KCNG4: variants seen among roughly 807,000 people sequenced by gnomAD.
KCNG4 encodes the protein voltage-gated potassium channel regulatory subunit KCNG4.
KCNG4 carries 30 observed loss-of-function variants against 28.2 expected under a neutral mutation model. That is an observed-to-expected ratio of 1.06 (90% confidence interval 0.80 to 1.44). The LOEUF is 1.44. Ranked by LOEUF, KCNG4 falls within the 40% of genes most tolerant of loss-of-function variation. The pLI, the probability that KCNG4 is intolerant of heterozygous loss-of-function variation, is 0.00. For missense variants in KCNG4, 879 were observed against 712.3 expected, an observed-to-expected ratio of 1.23 and a Z score of -2.66; for synonymous variants, 375 against 315.5, an observed-to-expected ratio of 1.19 and a Z score of -2.00.
In KCNG4 at chr16:84,222,493, A is replaced by T; in HGVS notation, c.1284T>A (p.Ser428Arg). 6.2e-7 allele frequency: 1 copy of T among 1,613,410 alleles called. No homozygotes were observed. Among genetic ancestry groups the T allele is most frequent in the Non-Finnish European group, 8.5e-7 (1 of 1,179,698 alleles). The change falls in exon 3 of 3, where the codon AGT (serine) becomes AGA (arginine). Residue 428 changes from serine (S) to arginine (R), a missense_variant. Physicochemically the swap from Ser to Arg is moderately radical, Grantham distance 110. Coordinates refer to ENST00000308251, the MANE Select transcript of KCNG4 (RefSeq NM_172347.3). Reference protein sequence around the residue: ...TVGYGDMVPRSVPGQMVALSS... With the variant: ...TVGYGDMVPRRVPGQMVALSS... ...TGAGGGCCACCATCTGGCCTGGCAC[A>T]CTGCGGGGCACCATGTCCCCGTAGC...
intron 2 of KCNG4, among the ~76,000 whole-genome samples, chr16:84,233,327 C>A (rs1040391084): frequency 3.9e-5 from 6 of 152,292 alleles, no homozygotes; most frequent in African/African-American, 1.2e-4. Context: ...GGCCTGAGAG[C>A]TGTTTTACAA....
rs1051929786 is a variant in KCNG4, at chr16:84,222,177, G to A, written c.*40C>T. 4 of 1,595,776 alleles carry A rather than the reference G, an allele frequency of 2.5e-6. No homozygotes were observed. In the African/African-American group the frequency reaches 5.4e-5, roughly 21 times the overall value. ...CCCTTGAGTGTGTTTCAGGCAGGGT[G>A]ATGGGTTGAGGTTACCATGTAGTCA... On this transcript the variant is annotated 3_prime_UTR_variant, in exon 3 of 3. Coordinates refer to ENST00000308251, the MANE Select transcript of KCNG4 (RefSeq NM_172347.3).
intron 2 of KCNG4, among the ~76,000 whole-genome samples, chr16:84,231,609 C>T (rs1242412561): frequency 1.3e-5 from 2 of 152,124 alleles, no homozygotes; most frequent in African/African-American, 2.4e-5. Flanking sequence ...CACTAGGGAC[C>T]AGTCAGCCTG....
At chr16:84,231,461 C>T (rs938853338) in intron 2 of KCNG4, among the ~76,000 whole-genome samples, 1 of 152,114 alleles carries the variant, frequency 6.6e-6, no homozygotes, top group Non-Finnish European at 1.5e-5. Flanking sequence ...AGCTGCCCGG[C>T]CAGGGCTGAG....
At chr16:84,223,680 G>A (rs770562571) in intron 2 of KCNG4, among the ~76,000 whole-genome samples, 14 of 152,110 alleles carry the variant, frequency 9.2e-5, no homozygotes, top group South Asian at 4.2e-4. Flanking sequence ...GAAGTGACTC[G>A]CCTGAGCTCA....
intron 2 of KCNG4, among the ~76,000 whole-genome samples, chr16:84,224,403 T>TACACACACACACACACATAC (rs568895266): frequency 2.4e-4 from 14 of 58,668 alleles, no homozygotes; most frequent in South Asian, 1.5e-3. Flanking sequence ...TATACATATT[T>TACACACACACACACACATAC]ACACACACAC....
intron 2 of KCNG4, among the ~76,000 whole-genome samples, chr16:84,228,597 G>C (rs867504200): frequency 6.6e-6 from 1 of 151,542 alleles, no homozygotes; most frequent in East Asian, 1.9e-4. Flanking sequence ...TCCTCCCCAG[G>C]TCTCCCCGCC....
chr16:84,223,094 C>T, intron 2 of KCNG4, 74 bp from the exon 3 acceptor site: 1 of 1,190,190 alleles, frequency 8.4e-7, no homozygotes, highest in Non-Finnish European at 1.2e-6. Flanking sequence ...GGGACGACTT[C>T]ATGCCCATGA....
intron 1 of KCNG4, among the ~76,000 whole-genome samples, chr16:84,239,279 G>A (rs1188344841): frequency 1.3e-5 from 2 of 152,238 alleles, no homozygotes; most frequent in Non-Finnish European, 2.9e-5. Flanking sequence ...ATGGCCAGAG[G>A]AGGATGAGGA....
Position 84,222,677 on chromosome 16 carries a change from C to A in KCNG4, c.1100G>T (p.Cys367Phe), listed in dbSNP as rs149108595. 1 of 1,613,128 alleles carries A rather than the reference C, an allele frequency of 6.2e-7. No homozygotes were observed. The highest frequency in any genetic ancestry group is 1.7e-5 in the Admixed American group (1 of 59,978). Residue 367 changes from cysteine to phenylalanine, a missense_variant, in exon 3 of 3, where the codon TGC (cysteine) becomes TTC (phenylalanine). Coordinates refer to ENST00000308251, the MANE Select transcript of KCNG4 (RefSeq NM_172347.3). ...AAGGAGCAGGCCGAACTCACGTGTG[C>A]AACGGCGCACGGTGAGCCCCAGCGT... ...LQTLGLTVRR[C>F]TREFGLLLLF...
intron 1 of KCNG4, among the ~76,000 whole-genome samples, 158 bp downstream of exon 1, chr16:84,239,512 G>A (rs74632463): frequency 2.0e-5 from 3 of 152,088 alleles, no homozygotes; most frequent in African/African-American, 7.2e-5. Flanking sequence ...TGCCATCTAC[G>A]GCTCTCCAAA....
chr16:84,228,375 G>A (rs905166974), intron 2 of KCNG4, among the ~76,000 whole-genome samples: 8 of 151,914 alleles, frequency 5.3e-5, no homozygotes, highest in African/African-American at 1.7e-4. Flanking sequence ...CCCTCCTGCT[G>A]TGAGTTCACC....
intron 2 of KCNG4, among the ~76,000 whole-genome samples, chr16:84,231,667 C>G (rs1441206907): frequency 6.6e-6 from 1 of 152,076 alleles, no homozygotes; most frequent in Non-Finnish European, 1.5e-5. Context: ...AGGTTGAGGT[C>G]CAGGGGTAGA....
intron 2 of KCNG4, among the ~76,000 whole-genome samples, chr16:84,229,052 A>C (rs966975388): frequency 6.6e-6 from 1 of 151,978 alleles, no homozygotes; most frequent in Non-Finnish European, 1.5e-5. Flanking sequence ...TAATCCCAGC[A>C]CTTCGGGAGG....
rs371214019 is a variant in KCNG4, at chr16:84,222,687, C to T, written c.1090G>A (p.Val364Met). 5.3e-5 allele frequency: 85 copies of T among 1,613,006 alleles called. No individual in the cohort carries two copies. In the East Asian group the frequency reaches 5.4e-4, roughly 10 times the overall value. ...CCGAACTCACGTGTGCAACGGCGCA[C>T]GGTGAGCCCCAGCGTCTGCAGCCCC... is the stretch of plus-strand genomic sequence containing the variant. ...SLGLQTLGLT[V>M]RRCTREFGLL... is the part of the protein sequence containing the mutation. The change falls in exon 3 of 3, where the codon GTG becomes ATG. Residue 364 changes from valine (V) to methionine (M), a missense_variant. Physicochemically the swap from Val to Met is conservative, Grantham distance 21. Coordinates refer to ENST00000308251, the MANE Select transcript of KCNG4 (RefSeq NM_172347.3).
chr16:84,225,091 C>T (rs1904667374), intron 2 of KCNG4, among the ~76,000 whole-genome samples: 1 of 152,120 alleles, frequency 6.6e-6, no homozygotes, highest in Non-Finnish European at 1.5e-5. Context: ...GCGCTGTAGC[C>T]ATTTTAACCG....
Position 84,223,567 on chromosome 16 carries a change from G to C in KCNG4, c.757-547C>G, listed in dbSNP as rs79607368. ...TACCTTAATGATGTTAAGTACCTTG[G>C]GGGACCACGCACTGCTCTCCTGCTG... On this transcript the variant is annotated intron_variant, in intron 2 of 2. Coordinates refer to ENST00000308251, the MANE Select transcript of KCNG4 (RefSeq NM_172347.3). 1.2e-4 allele frequency among the ~76,000 whole-genome samples: 19 copies of C among 152,174 alleles called. No homozygotes were observed. The East Asian group carries it at 3.7e-3, about 29-fold the overall frequency.
rs374785827 is a variant in KCNG4, at chr16:84,222,716, G to C, written c.1061C>G (p.Ser354Trp). 1 of 1,613,100 alleles carries C rather than the reference G, an allele frequency of 6.2e-7. No individual in the cohort carries two copies. The highest frequency in any genetic ancestry group is 2.2e-5 in the East Asian group (1 of 44,816). The change falls in exon 3 of 3, where the codon TCG becomes TGG. Residue 354 changes from serine to tryptophan, a missense_variant. By Grantham distance (177) the Ser-to-Trp change is radical. Transcript: ENST00000308251. The part of the protein sequence containing the change: ...ILYVMRLARH[S>W]LGLQTLGLTV... Reference sequence around the variant, plus strand: ...GAGCCCCAGCGTCTGCAGCCCCAGCGAGTGGCGAGCCAGGCGCATCACGTA... The same window carrying C: ...GAGCCCCAGCGTCTGCAGCCCCAGCCAGTGGCGAGCCAGGCGCATCACGTA...
In KCNG4 at chr16:84,237,173, C is replaced by T. The variant is rs557936871; in HGVS notation, c.313G>A (p.Asp105Asn). Residue 105 changes from aspartate (D) to asparagine (N), a missense_variant, in exon 2 of 3, where the codon GAC becomes AAC. Asp to Asn is a conservative substitution (Grantham distance 23, BLOSUM62 1). Coordinates refer to ENST00000308251, the MANE Select transcript of KCNG4 (RefSeq NM_172347.3). ...AAGAAGAACTCCTGGCTGTCCTCGTCGTAATCATCGCAGAGCTGCACGATC... is the reference window on the plus strand; with the variant it reads ...AAGAAGAACTCCTGGCTGTCCTCGTTGTAATCATCGCAGAGCTGCACGATC... ...EEIVQLCDDYDEDSQEFFFDR... is the reference protein window; with the variant it reads ...EEIVQLCDDYNEDSQEFFFDR... 15 of 1,614,122 alleles carry T rather than the reference C, an allele frequency of 9.3e-6. No homozygotes were observed. The South Asian group carries it at 1.1e-4, about 12-fold the overall frequency.
Sources: gnomAD v4.1 joint callset for allele counts (sites outside exome capture counted in the v4.1 genomes callset) on GRCh38, gnomAD v4.1.1 for gene constraint, MANE v1.5 for transcripts, NCBI Gene and HGNC (gene_info 2026-07-23, HGNC 2026-07-21) for gene names.